Variants in PTRH1 observed in about 807,000 individuals in gnomAD.
The protein encoded by PTRH1 is peptidyl-tRNA hydrolase.
PTRH1 carries 13 observed loss-of-function variants against 15.7 expected under a neutral mutation model. The ratio of observed to expected loss-of-function variants is 0.83; its 90% CI spans 0.54 to 1.31. PTRH1 has a LOEUF of 1.31. Among genes scored for constraint, PTRH1 ranks in the 40% most tolerant of loss-of-function variants. The probability of loss-of-function intolerance (pLI) is 0.00; values close to 1 mark genes in which losing one functional copy is unlikely to be tolerated. For missense variants in PTRH1, 319 were observed against 296.2 expected, an observed-to-expected ratio of 1.08 and a Z score of -0.56; for synonymous variants, 139 against 136.7, an observed-to-expected ratio of 1.02 and a Z score of -0.12.
At chr9:127,709,788 T>C (rs973606604), downstream of PTRH1, 41 of 1,347,074 alleles carry the variant, frequency 3.0e-5, no homozygotes, top group African/African-American at 4.9e-4. This position sits in a 1 kb window ranked among gnomAD's most constrained non-coding sequence, Gnocchi z 4.7. Flanking sequence ...AATAGCCACA[T>C]GCTGCTTGGC....
Position 127,714,284 on chromosome 9 carries a change from T to C in PTRH1, c.463-2A>G. 3.7e-6 allele frequency: 6 copies of C among 1,613,992 alleles called. No homozygotes were observed. Among genetic ancestry groups the C allele is most frequent in the Non-Finnish European group, 4.2e-6 (5 of 1,179,912 alleles). On this transcript the variant is annotated splice_acceptor_variant, in intron 4 of 4. Transcript: ENST00000543175. LOFTEE classifies it high-confidence loss of function. ...ACCCACCCGCAGCCTTGGCATTGCCTGTGGGAGAGCCAGAGAGGCCCAGGA... is the reference window on the plus strand; with the variant it reads ...ACCCACCCGCAGCCTTGGCATTGCCCGTGGGAGAGCCAGAGAGGCCCAGGA...
downstream of PTRH1, chr9:127,712,079 G>A: frequency 6.6e-7 from 1 of 1,508,086 alleles, no homozygotes; most frequent in Non-Finnish European, 8.9e-7. Flanking sequence ...GACAGGCTGA[G>A]GCTTGGGGCG....
chr9:127,711,837 T>C, downstream of PTRH1: 1 of 1,570,962 alleles, frequency 6.4e-7, no homozygotes. Flanking sequence ...TCATGCTGAC[T>C]AAGAAGTGCC....
intron 1 of PTRH1, among the ~76,000 whole-genome samples, chr9:127,696,501 G>A (rs1307950535): frequency 6.6e-6 from 1 of 152,192 alleles, no homozygotes; most frequent in East Asian, 1.9e-4. Flanking sequence ...GGGCCCTCCA[G>A]TTAGTACGTG....
intron 1 of PTRH1, among the ~76,000 whole-genome samples, chr9:127,698,420 C>T (rs150817110): frequency 1.7e-3 from 265 of 152,332 alleles, no homozygotes; most frequent in African/African-American, 6.0e-3. Context: ...GGCACAATGG[C>T]TCATGCCTGT....
At chr9:127,711,861 G>T, downstream of PTRH1, 2 of 1,582,654 alleles carry the variant, frequency 1.3e-6, no homozygotes, top group South Asian at 2.3e-5. Flanking sequence ...AGCAGCAGCA[G>T]GACACCAAGG....
chr9:127,713,059 G>A (rs1330310006), downstream of PTRH1: 1 of 1,613,782 alleles, frequency 6.2e-7, no homozygotes, highest in Non-Finnish European at 8.5e-7. Context: ...GGTCTCTGCT[G>A]CCGCAGCTCT....
chr9:127,707,178 G>A (rs1462265083), intron 1 of PTRH1: 1 of 1,612,548 alleles, frequency 6.2e-7, no homozygotes, highest in Non-Finnish European at 8.5e-7. Context: ...GAGACCTGGA[G>A]GACCGGCTAG....
At chr9:127,711,670 T>G, downstream of PTRH1, 3 of 1,155,798 alleles carry the variant, frequency 2.6e-6, no homozygotes, top group Non-Finnish European at 2.4e-6. Flanking sequence ...CGGATTGTAT[T>G]TATTTAAAGC....
chr9:127,709,385 G>C (rs772562824), downstream of PTRH1: 1 of 1,600,358 alleles, frequency 6.2e-7, no homozygotes, highest in Non-Finnish European at 8.5e-7. This position sits in a 1 kb window ranked among gnomAD's most constrained non-coding sequence, Gnocchi z 4.7. Flanking sequence ...GGCTTGCCCA[G>C]CCTGACCCCT....
chr9:127,709,156 G>A (rs1483935399), downstream of PTRH1, among the ~76,000 whole-genome samples: 1 of 152,220 alleles, frequency 6.6e-6, no homozygotes, highest in Non-Finnish European at 1.5e-5. The surrounding 1 kb of genome is among the most constrained non-coding windows in gnomAD (Gnocchi z 4.7). Context: ...AGGTGTTGGG[G>A]ACATACTTGT....
downstream of PTRH1, chr9:127,711,705 C>CT: frequency 7.9e-7 from 1 of 1,267,900 alleles, no homozygotes; most frequent in South Asian, 1.5e-5. Flanking sequence ...GAAGCAGAGT[C>CT]CAGCCCTGGA....
chr9:127,713,188 G>A, downstream of PTRH1: 1 of 1,558,200 alleles, frequency 6.4e-7, no homozygotes. Context: ...GGACCTTCCG[G>A]GCACACAGCA....
Position 127,715,327 on chromosome 9 carries a change from G to C in PTRH1, c.97-133C>G. The stretch of plus-strand genomic sequence containing the variant: ...CAGTGGGGAAGGGGCGCGAAGAAGG[G>C]GCCCAGAAACCCGACCCCTGAGAAC... On this transcript the variant is annotated intron_variant, in intron 1 of 4. Transcript: ENST00000543175. The surrounding 1 kb of genome is among the most constrained non-coding windows in gnomAD (Gnocchi z 5.8). 7.8e-7 allele frequency: 1 copy of C among 1,285,652 alleles called. No individual in the cohort carries two copies. Among genetic ancestry groups the C allele is most frequent in the Non-Finnish European group, 1.1e-6 (1 of 918,272 alleles). The allele number at this position is 1,285,652 out of a possible 1,614,324, so 79.6% of individuals were successfully genotyped here. A position where few individuals can be genotyped will look rare whatever the true frequency, so the allele number is the denominator to read the frequency against.
chr9:127,710,627 T>C, downstream of PTRH1: 1 of 1,585,262 alleles, frequency 6.3e-7, no homozygotes, highest in Non-Finnish European at 8.6e-7. Flanking sequence ...CCTGGAGGAG[T>C]TCCGGCTGCA....
intron 2 of PTRH1, 91 bp downstream of exon 2, chr9:127,714,884 G>T (rs946002785): frequency 4.8e-6 from 5 of 1,043,472 alleles, no homozygotes; most frequent in Non-Finnish European, 6.9e-6. Context: ...TGAACCCGCG[G>T]ATCTGTCACA....
At chr9:127,711,781 G>A (rs907757838), downstream of PTRH1, 47 of 1,543,092 alleles carry the variant, frequency 3.0e-5, no homozygotes, top group Non-Finnish European at 3.9e-5. Context: ...CTGGGGGACA[G>A]GGCAGGCTGA....
chr9:127,711,162 C>A (rs1028334576), downstream of PTRH1: 11 of 1,561,932 alleles, frequency 7.0e-6, 1 homozygote, highest in African/African-American at 8.1e-5. Flanking sequence ...GGGAACCTCA[C>A]AAAGGGGTGT....
downstream of PTRH1, chr9:127,711,356 G>T (rs1842761591): frequency 6.2e-7 from 1 of 1,614,192 alleles, no homozygotes; most frequent in African/African-American, 1.3e-5. Context: ...CCTGCAGATG[G>T]CCAGGGTCTC....
Sources: gnomAD v4.1 joint callset for allele counts (sites outside exome capture counted in the v4.1 genomes callset) on GRCh38, gnomAD v4.1.1 for gene constraint, Gnocchi (gnomAD v3.1) non-coding constraint, MANE v1.5 for transcripts, NCBI Gene and HGNC (gene_info 2026-07-23, HGNC 2026-07-21) for gene names.